SLC15A2: variants seen among roughly 807,000 people sequenced by gnomAD.
SLC15A2 encodes kidney H(+)/peptide cotransporter.
Under a neutral mutation model 95.5 loss-of-function variants are expected in SLC15A2, and 77 were observed. That is an observed-to-expected ratio of 0.81 (90% CI 0.67 to 0.97). The LOEUF is 0.97. Among genes scored for constraint, SLC15A2 ranks in the 50% least tolerant of loss-of-function variants. SLC15A2 has a pLI of 0.00. For missense variants in SLC15A2, 893 were observed against 874.4 expected (o/e 1.02, Z -0.27); for synonymous variants, 306 against 306.9 (o/e 1.00, Z 0.03).
chr3:121,943,265 T>TA lies in SLC15A2; in HGVS notation c.*2269dup, dbSNP rs113345338. 4.6e-3 allele frequency: 664 copies of TA among 144,180 alleles called. 5 individuals are homozygous for TA. Among genetic ancestry groups the TA allele is most frequent in the African/African-American group, 0.014 (554 of 39,538 alleles). The allele number at this position is 144,180 out of a possible 1,614,324, so 8.9% of individuals were successfully genotyped here. A position where few individuals can be genotyped will look rare whatever the true frequency, so the allele number is the denominator to read the frequency against. ...TGGGGGACAAGAGTGAGACTTCATC[T>TA]AAAAAAAAAAAGAAAAGAATATGTA... On this transcript the variant is annotated 3_prime_UTR_variant, in exon 22 of 22. Transcript: ENST00000489711.
rs546882075 is a variant in SLC15A2, at chr3:121,901,313, G to A, written c.335+3784G>A. 4.6e-5 allele frequency among the ~76,000 whole-genome samples: 7 copies of A among 152,230 alleles called. No individual in the cohort carries two copies. In the South Asian group the frequency reaches 6.2e-4, roughly 14 times the overall value. ...ATTACAAGTGTGAGCCACTGTGCCC[G>A]GCTGTGATTTATATTTTTATCCAAG... is the stretch of plus-strand genomic sequence containing the variant. On this transcript the variant is annotated intron_variant, in intron 3 of 21. Coordinates refer to ENST00000489711, the MANE Select transcript of SLC15A2 (RefSeq NM_021082.4).
chr3:121,927,800 G>T lies in SLC15A2; in HGVS notation c.1167G>T (p.Leu389=). The T allele has an allele frequency of 6.2e-7, 1 of 1,613,970 alleles. No homozygotes were observed. The change falls in exon 14 of 22, where the codon CTG becomes CTT. Residue 389 remains leucine (L), a synonymous_variant. Transcript: ENST00000489711. ...KMAVGMILAC[L]AFAVAAAVEI... ...CTGTTGGTATGATCCTAGCATGCCT[G>T]GCATTTGCAGTTGCGGCAGCTGTAG...
chr3:121,900,189 G>A (rs60682200), intron 3 of SLC15A2, among the ~76,000 whole-genome samples: 3,834 of 152,064 alleles, frequency 0.025, 147 homozygotes, highest in African/African-American at 0.088. Context: ...TTACATATTG[G>A]CATTCACCTC....
At chr3:121,927,964 T>C (rs1186274466) in intron 14 of SLC15A2, 125 bp downstream of exon 14, 3 of 693,306 alleles carry the variant, frequency 4.3e-6, no homozygotes, top group Non-Finnish European at 7.4e-6. Flanking sequence ...AGGTGCATCA[T>C]AAGTATTTGT....
At chr3:121,899,804 T>C (rs553070547) in intron 3 of SLC15A2, among the ~76,000 whole-genome samples, 3 of 152,330 alleles carry the variant, frequency 2.0e-5, no homozygotes, top group East Asian at 3.8e-4. Context: ...CAATAAGATA[T>C]ACTGTAAATC....
At chr3:121,936,549 T>G (rs1189564425) in intron 19 of SLC15A2, among the ~76,000 whole-genome samples, 1 of 152,074 alleles carries the variant, frequency 6.6e-6, no homozygotes, top group Non-Finnish European at 1.5e-5. Context: ...TGATCTTTGT[T>G]GGTTTAAAGT....
At chr3:121,918,195 A>G (rs1037041355) in intron 7 of SLC15A2, among the ~76,000 whole-genome samples, 2 of 152,166 alleles carry the variant, frequency 1.3e-5, no homozygotes, top group Non-Finnish European at 2.9e-5. Context: ...CACTCAGTTT[A>G]CCCTAATCTG....
intron 7 of SLC15A2, 67 bp from the exon 8 acceptor site, chr3:121,922,153 C>T (rs1341594233): frequency 7.5e-7 from 1 of 1,338,560 alleles, no homozygotes. Context: ...AATGGCAAAA[C>T]TGCAATAACC....
intron 7 of SLC15A2, among the ~76,000 whole-genome samples, chr3:121,916,221 T>G (rs1438770479): frequency 6.6e-6 from 1 of 152,076 alleles, no homozygotes; most frequent in African/African-American, 2.4e-5. Context: ...ATAAGAGGAG[T>G]TGGATAAATA....
At position 121,924,367 on chromosome 3, in the gene SLC15A2, A is replaced by T. The variant is rs1710069302; in HGVS notation, c.1019A>T (p.Gln340Leu). The change falls in exon 12 of 22, where the codon CAG (glutamine) becomes CTG (leucine). Residue 340 changes from glutamine (Q) to leucine (L), a missense_variant. By Grantham distance (113) the Gln-to-Leu change is moderately radical. Coordinates refer to ENST00000489711, the MANE Select transcript of SLC15A2 (RefSeq NM_021082.4). ...MNRNLGFFVL[Q>L]PDQMQVLNPL... ...ATGTTTCAGGGGTTTTTTGTGCTTC[A>T]GCCGGACCAGATGCAGGTATGTGAC... 1 of 1,613,530 alleles carries T rather than the reference A, an allele frequency of 6.2e-7. No individual in the cohort carries two copies. Among genetic ancestry groups the T allele is most frequent in the East Asian group, 2.2e-5 (1 of 44,862 alleles).
chr3:121,903,124 A>T (rs1016010239), intron 3 of SLC15A2, among the ~76,000 whole-genome samples: 1 of 152,052 alleles, frequency 6.6e-6, no homozygotes. Flanking sequence ...GCATTTTTTC[A>T]TGTGTCTGTT....
At chr3:121,924,410 G>A (rs779723955) in intron 12 of SLC15A2, 27 bp downstream of exon 12, 2 of 1,605,840 alleles carry the variant, frequency 1.2e-6, no homozygotes, top group African/African-American at 1.3e-5. Context: ...TAGCCATGGG[G>A]ACTTATTTGT....
intron 3 of SLC15A2, among the ~76,000 whole-genome samples, chr3:121,903,535 T>C (rs1011966750): frequency 2.6e-4 from 40 of 152,304 alleles, no homozygotes; most frequent in African/African-American, 9.6e-4. Flanking sequence ...GTATAAGGTG[T>C]AAGGAAGGGA....
At chr3:121,919,549 G>A (rs1357675436) in intron 7 of SLC15A2, among the ~76,000 whole-genome samples, 2 of 152,104 alleles carry the variant, frequency 1.3e-5, no homozygotes, top group East Asian at 3.9e-4. Context: ...TGGTTAAAAG[G>A]CATCATCCAA....
Position 121,927,765 on chromosome 3 carries a change from A to T in SLC15A2, c.1132A>T (p.Arg378Trp). ...TTCTCCTTTCCACCACAGATCACTT[A>T]GGAAAATGGCTGTTGGTATGATCCT... is the stretch of plus-strand genomic sequence containing the variant. ...SKCGINFSSLRKMAVGMILAC... is the reference protein window; with the variant it reads ...SKCGINFSSLWKMAVGMILAC... The change falls in exon 14 of 22, where the codon AGG (arginine) becomes TGG (tryptophan). Residue 378 changes from arginine to tryptophan, a missense_variant. Arg to Trp is a moderately radical substitution (Grantham distance 101). Coordinates refer to ENST00000489711, the MANE Select transcript of SLC15A2 (RefSeq NM_021082.4). 1 of 1,613,224 alleles carries T rather than the reference A, an allele frequency of 6.2e-7. No homozygotes were observed. The highest frequency in any genetic ancestry group is 1.3e-5 in the African/African-American group (1 of 75,044).
chr3:121,917,395 A>C (rs1225267062), intron 7 of SLC15A2, among the ~76,000 whole-genome samples: 1 of 152,206 alleles, frequency 6.6e-6, no homozygotes, highest in Non-Finnish European at 1.5e-5. Context: ...ATGTTTAATT[A>C]AGACCTTGAG....
intron 15 of SLC15A2, 60 bp from the exon 16 acceptor site, chr3:121,928,922 G>A (rs1710174651): frequency 1.9e-6 from 3 of 1,561,354 alleles, no homozygotes; most frequent in Admixed American, 3.5e-5. Context: ...GCTACATCGT[G>A]ATGTCCAATA....
chr3:121,935,952 C>CA (rs1489135883), intron 19 of SLC15A2, among the ~76,000 whole-genome samples: 1 of 152,072 alleles, frequency 6.6e-6, no homozygotes, highest in African/African-American at 2.4e-5. Context: ...CCCAGAGATT[C>CA]TGGTATGTTG....
intron 5 of SLC15A2, among the ~76,000 whole-genome samples, chr3:121,914,420 C>G (rs369827489): frequency 6.6e-6 from 1 of 152,240 alleles, no homozygotes; most frequent in African/African-American, 2.4e-5. Flanking sequence ...GACAAATCTG[C>G]CTCCAGGTTT....
Sources: allele counts gnomAD v4.1 joint callset (sites outside exome capture counted in the v4.1 genomes callset), GRCh38; gene constraint gnomAD v4.1.1; transcripts MANE v1.5; gene names NCBI Gene and HGNC (gene_info 2026-07-23, HGNC 2026-07-21).